OLFM2: variants seen among roughly 807,000 people sequenced by gnomAD.
OLFM2 encodes the protein noelin-2.
OLFM2 carries 20 observed loss-of-function variants against 43.9 expected under a neutral mutation model. That is an observed-to-expected ratio of 0.46 (90% confidence interval 0.32 to 0.66). The LOEUF is 0.66. Ranked by LOEUF, OLFM2 falls within the 30% of genes least tolerant of loss-of-function variation. The pLI, the probability that OLFM2 is intolerant of heterozygous loss-of-function variation, is 0.04. For synonymous variants in OLFM2, 268 were observed against 278.6 expected, an observed-to-expected ratio of 0.96 and a Z score of 0.38; for missense variants, 416 against 643.6, an observed-to-expected ratio of 0.65 and a Z score of 3.83.
intron 1 of OLFM2, among the ~76,000 whole-genome samples, chr19:9,877,208 C>T (rs1010633635): frequency 5.2e-5 from 7 of 133,388 alleles, no homozygotes; most frequent in Admixed American, 1.8e-4. Flanking sequence ...CCAGCCTTGG[C>T]GACAGAGTGA....
At chr19:9,873,370 T>A (rs1418529511) in intron 1 of OLFM2, among the ~76,000 whole-genome samples, 1 of 152,110 alleles carries the variant, frequency 6.6e-6, no homozygotes, top group African/African-American at 2.4e-5. Flanking sequence ...CCCAGGCTGG[T>A]CTTGAACTCC....
At chr19:9,921,737 G>A (rs973082426) in intron 1 of OLFM2, among the ~76,000 whole-genome samples, 29 of 151,266 alleles carry the variant, frequency 1.9e-4, no homozygotes, top group East Asian at 4.0e-4. Context: ...CGCCCACCTC[G>A]GCCTCCCAAA....
chr19:9,912,606 C>T (rs1453065538), intron 1 of OLFM2, among the ~76,000 whole-genome samples: 1 of 151,950 alleles, frequency 6.6e-6, no homozygotes, highest in African/African-American at 2.4e-5. Flanking sequence ...CCCCTCTCTC[C>T]TCAGGACACC....
At position 9,854,202 on chromosome 19, in the gene OLFM2, G is replaced by A; in HGVS notation, c.1349C>T (p.Thr450Ile). The change falls in exon 6 of 6, where the codon ACC becomes ATC. Residue 450 changes from threonine (T) to isoleucine (I), a missense_variant. By Grantham distance (89) the Thr-to-Ile change is moderately conservative. Transcript: ENST00000264833. This position sits in a 1 kb window ranked among gnomAD's most constrained non-coding sequence, Gnocchi z 9.5. Reference protein sequence around the residue: ...YNVTLFHVISTSGDP With the variant: ...YNVTLFHVISISGDP ...AGCATTGGCTCAGGGGTCCCCAGAG[G>A]TGCTGATGACGTGAAACAGGGTGAC... 6.2e-7 allele frequency: 1 copy of A among 1,614,164 alleles called. No individual in the cohort carries two copies. The highest frequency in any genetic ancestry group is 8.5e-7 in the Non-Finnish European group (1 of 1,180,026).
At chr19:9,913,018 AGAGACCTT>A (rs770767224) in intron 1 of OLFM2, among the ~76,000 whole-genome samples, 36 of 151,836 alleles carry the variant, frequency 2.4e-4, no homozygotes, top group Non-Finnish European at 4.4e-4. Flanking sequence ...GCAACCAGGC[AGAGACCTT>A]GAAGGTGGAG....
chr19:9,877,131 G>A (rs2046495915), intron 1 of OLFM2, among the ~76,000 whole-genome samples: 1 of 151,660 alleles, frequency 6.6e-6, no homozygotes, highest in South Asian at 2.1e-4. Context: ...TCGGGAGGCT[G>A]AGGGATGAGA....
chr19:9,928,195 A>G (rs1288242542), intron 1 of OLFM2, among the ~76,000 whole-genome samples: 1 of 151,502 alleles, frequency 6.6e-6, no homozygotes, highest in Non-Finnish European at 1.5e-5. Context: ...TGGTCAACAG[A>G]GCAAGACCCT....
At chr19:9,918,130 C>T (rs1043570969) in intron 1 of OLFM2, among the ~76,000 whole-genome samples, 4 of 152,090 alleles carry the variant, frequency 2.6e-5, no homozygotes, top group African/African-American at 4.8e-5. Flanking sequence ...CCACCCACCT[C>T]GGCCTCCCAA....
chr19:9,927,487 A>G (rs904245735), intron 1 of OLFM2, among the ~76,000 whole-genome samples: 3 of 152,136 alleles, frequency 2.0e-5, no homozygotes, highest in African/African-American at 7.2e-5. Flanking sequence ...CATGTAAAAT[A>G]AGGGTAAACC....
chr19:9,930,039 CA>C (rs886663569), intron 1 of OLFM2, among the ~76,000 whole-genome samples: 31 of 145,688 alleles, frequency 2.1e-4, no homozygotes, highest in Non-Finnish European at 2.0e-4. Context: ...AACTCCATCT[CA>C]AAAAAAAAAA....
intron 1 of OLFM2, among the ~76,000 whole-genome samples, chr19:9,926,348 C>A (rs1312069628): frequency 6.7e-6 from 1 of 149,472 alleles, no homozygotes; most frequent in African/African-American, 2.5e-5. Context: ...GTCGGGAGAT[C>A]GAGACCATCC....
Position 9,857,791 on chromosome 19 carries a change from C to A in OLFM2, c.284G>T (p.Gly95Val), listed in dbSNP as rs747490195. 1 of 1,614,140 alleles carries A rather than the reference C, an allele frequency of 6.2e-7. No individual in the cohort carries two copies. The highest frequency in any genetic ancestry group is 1.7e-5 in the Admixed American group (1 of 60,020). ...CAGGCTCCGCATGAGGGTCTCCATGCCGCGTACATACTGGAGGTCGCGATA... is the reference window on the plus strand; with the variant it reads ...CAGGCTCCGCATGAGGGTCTCCATGACGCGTACATACTGGAGGTCGCGATA... ...RTYRDLQYVR[G>V]METLMRSLDA... Residue 95 changes from glycine to valine, a missense_variant, in exon 3 of 6, where the codon GGC (glycine) becomes GTC (valine). Gly to Val is a moderately radical substitution (Grantham distance 109, BLOSUM62 -3). Transcript: ENST00000264833. The surrounding 1 kb of genome is among the most constrained non-coding windows in gnomAD (Gnocchi z 5.7).
chr19:9,930,174 C>CA (rs2086474331), intron 1 of OLFM2, among the ~76,000 whole-genome samples: 2 of 152,188 alleles, frequency 1.3e-5, no homozygotes, highest in Non-Finnish European at 2.9e-5. Flanking sequence ...AGTCACCAAA[C>CA]ATACACATAC....
intron 2 of OLFM2, among the ~76,000 whole-genome samples, chr19:9,858,834 G>A (rs1407206304): frequency 2.0e-5 from 3 of 152,062 alleles, no homozygotes; most frequent in African/African-American, 7.2e-5. Flanking sequence ...CTCTCACCTG[G>A]CTAAGGTAGA....
At chr19:9,893,859 C>A (rs906722619) in intron 1 of OLFM2, among the ~76,000 whole-genome samples, 1 of 152,168 alleles carries the variant, frequency 6.6e-6, no homozygotes, top group Non-Finnish European at 1.5e-5. Context: ...CAGCATAAAT[C>A]TTCAAGAGGT....
chr19:9,894,185 C>T (rs2046661787), intron 1 of OLFM2, among the ~76,000 whole-genome samples: 2 of 151,560 alleles, frequency 1.3e-5, no homozygotes, highest in Non-Finnish European at 1.5e-5. Flanking sequence ...CCCAGCTACT[C>T]AGGAGGCTGA....
rs189015652 is a variant in OLFM2 at position 9,884,097 on chromosome 19, C to T, written c.64-23303G>A. 2.1e-3 allele frequency among the ~76,000 whole-genome samples: 325 copies of T among 151,800 alleles called. 3 individuals carry two copies. The highest frequency in any genetic ancestry group is 0.019 in the Admixed American group (293 of 15,212). ...AGCCTGGGTAACATAGTGAGACCTC[C>T]GTCTCTAACAAAAATACATAGATTA... On this transcript the variant is annotated intron_variant, in intron 1 of 5. Transcript: ENST00000264833.
At chr19:9,929,262 G>A (rs1259419447) in intron 1 of OLFM2, among the ~76,000 whole-genome samples, 16 of 152,070 alleles carry the variant, frequency 1.1e-4, no homozygotes, top group Admixed American at 9.8e-4. Context: ...ATAGTACAAC[G>A]CTTGAGATAC....
intron 1 of OLFM2, among the ~76,000 whole-genome samples, chr19:9,875,818 G>T (rs1481450356): frequency 1.3e-5 from 2 of 152,024 alleles, no homozygotes; most frequent in Non-Finnish European, 2.9e-5. Flanking sequence ...TGAATTAGCA[G>T]TTTTATTTCC....
Sources: allele counts gnomAD v4.1 joint callset (sites outside exome capture counted in the v4.1 genomes callset), GRCh38; gene constraint gnomAD v4.1.1; non-coding constraint Gnocchi (gnomAD v3.1); transcripts MANE v1.5; gene names NCBI Gene and HGNC (gene_info 2026-07-23, HGNC 2026-07-21).